COL5A2: variants seen among roughly 807,000 people sequenced by gnomAD.
COL5A2 encodes collagen alpha-2(V) chain.
A neutral mutation model predicts 208.2 loss-of-function variants in COL5A2; 23 were observed. The ratio of observed to expected loss-of-function variants is 0.11; its 90% CI spans 0.08 to 0.16. The LOEUF (loss-of-function observed/expected upper bound fraction) is 0.16, where lower values mean the gene tolerates loss of function less well. Among genes scored for constraint, COL5A2 ranks in the 10% least tolerant of loss-of-function variants. The pLI is 1.00. For missense variants in COL5A2, 1,590 were observed against 1,956.4 expected, an observed-to-expected ratio of 0.81 and a Z score of 3.53; for synonymous variants, 625 against 628.5, an observed-to-expected ratio of 0.99 and a Z score of 0.08.
chr2:189,158,896 C>A (rs1037898588), intron 1 of COL5A2, among the ~76,000 whole-genome samples: 1 of 152,076 alleles, frequency 6.6e-6, no homozygotes, highest in African/African-American at 2.4e-5. Flanking sequence ...TATTTTGCAA[C>A]TAAATTTGAA....
At chr2:189,139,310 A>G (rs1424927360) in intron 1 of COL5A2, among the ~76,000 whole-genome samples, 1 of 152,160 alleles carries the variant, frequency 6.6e-6, no homozygotes, top group Non-Finnish European at 1.5e-5. Flanking sequence ...TTAAAGTTTA[A>G]TATCAGTAAT....
At chr2:189,036,919 T>C (rs1415140947) in intron 51 of COL5A2, 116 bp from the exon 52 acceptor site, 8 of 846,866 alleles carry the variant, frequency 9.4e-6, no homozygotes, top group Non-Finnish European at 1.5e-5. Flanking sequence ...AGGATTCTTT[T>C]AAGTGAGAGT....
At chr2:189,175,629 C>CT (rs1471080346) in intron 1 of COL5A2, among the ~76,000 whole-genome samples, 16 of 150,516 alleles carry the variant, frequency 1.1e-4, no homozygotes, top group Non-Finnish European at 2.4e-4. Flanking sequence ...CTGCAACCTC[C>CT]GCCTCCCGGG....
chr2:189,123,281 A>G (rs1041122100), intron 1 of COL5A2, among the ~76,000 whole-genome samples: 4 of 152,158 alleles, frequency 2.6e-5, no homozygotes, highest in African/African-American at 9.7e-5. Context: ...TTTTAAAGAT[A>G]ATTTCAGAGT....
the COL5A2 span, among the ~76,000 whole-genome samples, chr2:189,314,072 C>T: frequency 6.6e-6 from 1 of 152,146 alleles, no homozygotes; most frequent in Non-Finnish European, 1.5e-5. Context: ...AGGACCTGAA[C>T]TCAGCAGTGG....
the COL5A2 span, among the ~76,000 whole-genome samples, chr2:189,318,432 T>A: frequency 6.6e-6 from 1 of 152,214 alleles, no homozygotes. Context: ...CAACTCCCTC[T>A]ACATGCCTTA....
the COL5A2 span, among the ~76,000 whole-genome samples, chr2:189,247,673 G>A: frequency 4.6e-5 from 7 of 151,060 alleles, no homozygotes; most frequent in South Asian, 1.3e-3. Flanking sequence ...TCCACCTCCT[G>A]GACTCAAGTG....
chr2:189,342,344 T>C, the COL5A2 span, among the ~76,000 whole-genome samples: 1 of 148,130 alleles, frequency 6.8e-6, no homozygotes, highest in Non-Finnish European at 1.5e-5. Flanking sequence ...AAACTAAAAA[T>C]ACCAATAATT....
At position 189,075,381 on chromosome 2, in the gene COL5A2, A is replaced by C; in HGVS notation, c.1104+12T>G. On this transcript the variant is annotated intron_variant, in intron 17 of 53. Transcript: ENST00000374866. ...TAAATTAATGAATTAATATGAAAAT[A>C]ATATAACTCACCATTGGTCCAGGTT... The C allele has an allele frequency of 6.4e-7, 1 of 1,574,278 alleles. No homozygotes were observed. Among genetic ancestry groups the C allele is most frequent in the Non-Finnish European group, 8.7e-7 (1 of 1,144,428 alleles).
chr2:189,306,659 G>A, the COL5A2 span, among the ~76,000 whole-genome samples: 1 of 152,170 alleles, frequency 6.6e-6, no homozygotes, highest in Non-Finnish European at 1.5e-5. Flanking sequence ...TACCCAACAA[G>A]TCACCATGCT....
chr2:189,437,487 T>G, the COL5A2 span, among the ~76,000 whole-genome samples: 1 of 152,192 alleles, frequency 6.6e-6, no homozygotes, highest in Non-Finnish European at 1.5e-5. Context: ...AATTTCGCTT[T>G]AGCCACTGGG....
chr2:189,434,864 GC>G, the COL5A2 span, among the ~76,000 whole-genome samples: 1 of 152,134 alleles, frequency 6.6e-6, no homozygotes, highest in Non-Finnish European at 1.5e-5. Context: ...AGCCCTCATT[GC>G]CAAGACAATC....
intron 16 of COL5A2, 26 bp downstream of exon 16, chr2:189,078,490 G>T: frequency 6.4e-7 from 1 of 1,568,144 alleles, no homozygotes; most frequent in Non-Finnish European, 8.8e-7. Context: ...CATCTCAGCA[G>T]TATAAGTAAA....
At chr2:189,085,645 A>C in intron 10 of COL5A2, 74 bp downstream of exon 10, 1 of 1,292,400 alleles carries the variant, frequency 7.7e-7, no homozygotes, top group Non-Finnish European at 1.1e-6. Context: ...GGGAAGATAA[A>C]TAACTCAATA....
At chr2:189,412,680 T>C in the COL5A2 span, among the ~76,000 whole-genome samples, 1 of 152,200 alleles carries the variant, frequency 6.6e-6, no homozygotes, top group Non-Finnish European at 1.5e-5. Flanking sequence ...ATACAAGATC[T>C]TCTGCAATGT....
chr2:189,064,406 T>A (rs1307606554), intron 25 of COL5A2, 151 bp downstream of exon 25: 2 of 663,654 alleles, frequency 3.0e-6, no homozygotes, highest in East Asian at 2.7e-5. Context: ...CAGTATTTTT[T>A]AAAATAATGA....
chr2:189,045,216 A>T lies in COL5A2; in HGVS notation c.3326T>A (p.Ile1109Lys). ...TTTCCCAGCTCGACCAGGTGGTCCT[A>T]TAGGACCCCGAGAACCCTAAAAGAA... Reference protein sequence around the residue: ...QRGDPGSRGPIGPPGRAGKRG... With the variant: ...QRGDPGSRGPKGPPGRAGKRG... The change falls in exon 47 of 54, where the codon ATA (isoleucine) becomes AAA (lysine). Residue 1109 changes from isoleucine (I) to lysine (K), a missense_variant. Physicochemically the swap from Ile to Lys is moderately radical, Grantham distance 102 (BLOSUM62 -3). Coordinates refer to ENST00000374866, the MANE Select transcript of COL5A2 (RefSeq NM_000393.5). 1 of 1,609,404 alleles carries T rather than the reference A, an allele frequency of 6.2e-7. No homozygotes were observed. Among genetic ancestry groups the T allele is most frequent in the Non-Finnish European group, 8.5e-7 (1 of 1,178,096 alleles).
the COL5A2 span, among the ~76,000 whole-genome samples, chr2:189,419,668 C>T: frequency 6.6e-6 from 1 of 151,168 alleles, no homozygotes; most frequent in Admixed American, 6.6e-5. Context: ...TGGTGGCACA[C>T]GTCTATAGTC....
At chr2:189,368,598 TAA>T in the COL5A2 span, among the ~76,000 whole-genome samples, 1 of 152,320 alleles carries the variant, frequency 6.6e-6, no homozygotes, top group Admixed American at 6.5e-5. Context: ...AGATAATTTT[TAA>T]AAGTCTACTA....
Sources: gnomAD v4.1 joint callset for allele counts (sites outside exome capture counted in the v4.1 genomes callset) on GRCh38, gnomAD v4.1.1 for gene constraint, MANE v1.5 for transcripts, NCBI Gene and HGNC (gene_info 2026-07-23, HGNC 2026-07-21) for gene names.